The following ABHD2 variants were observed in gnomAD, a reference collection of about 807,000 sequenced individuals.
The protein encoded by ABHD2 is monoacylglycerol lipase ABHD2.
Under a neutral mutation model 48.1 loss-of-function variants are expected in ABHD2, and 20 were observed. The observed-to-expected ratio is 0.42, with a 90% confidence interval of 0.29 to 0.60. The LOEUF is 0.60. Ranked by LOEUF, ABHD2 falls within the 20% of genes least tolerant of loss-of-function variation. The pLI, the probability that ABHD2 is intolerant of heterozygous loss-of-function variation, is 0.24. For missense variants in ABHD2, 405 were observed against 550.9 expected (o/e 0.74, Z 2.65); for synonymous variants, 209 against 214.2 (o/e 0.98, Z 0.21).
chr15:89,065,694 G>T, the ABHD2 span, among the ~76,000 whole-genome samples: 1 of 152,084 alleles, frequency 6.6e-6, no homozygotes, highest in African/African-American at 2.4e-5. Flanking sequence ...TCCCCACTTT[G>T]CCTCACCCTC....
At chr15:89,049,823 G>C in the ABHD2 span, among the ~76,000 whole-genome samples, 3 of 152,204 alleles carry the variant, frequency 2.0e-5, no homozygotes, top group African/African-American at 7.2e-5. Flanking sequence ...CGGTACCTCA[G>C]ATGGAAATGC....
intron 1 of ABHD2, among the ~76,000 whole-genome samples, chr15:89,107,404 AT>A (rs771256257): frequency 6.6e-6 from 1 of 152,142 alleles, no homozygotes; most frequent in Non-Finnish European, 1.5e-5. Flanking sequence ...TAGTGAGTTC[AT>A]TGCTAATGAG....
chr15:89,054,367 C>T, the ABHD2 span, among the ~76,000 whole-genome samples: 6 of 151,574 alleles, frequency 4.0e-5, no homozygotes, highest in Non-Finnish European at 8.8e-5. Flanking sequence ...TGCTGTGCCA[C>T]CAAAATGTAT....
intron 5 of ABHD2, among the ~76,000 whole-genome samples, chr15:89,157,687 C>T (rs1275168193): frequency 1.3e-5 from 2 of 151,804 alleles, no homozygotes; most frequent in Non-Finnish European, 2.9e-5. Flanking sequence ...ACTAAAAATA[C>T]GAAAAAGTAG....
rs973823695 is a variant in ABHD2 at position 89,160,326 on chromosome 15, G to A, written c.538+4792G>A. 3.3e-5 allele frequency among the ~76,000 whole-genome samples: 5 copies of A among 152,254 alleles called. No individual in the cohort carries two copies. The South Asian group carries it at 8.3e-4, about 25-fold the overall frequency. The stretch of plus-strand genomic sequence containing the variant: ...TCATGTAAGTGTGTTAGTTGTTGAT[G>A]TGTGGGCTTTCTATACTTTAGTACA... On this transcript the variant is annotated intron_variant, in intron 5 of 10. Transcript: ENST00000352732.
the ABHD2 span, among the ~76,000 whole-genome samples, chr15:89,053,842 C>G: frequency 6.6e-6 from 1 of 152,186 alleles, no homozygotes; most frequent in Non-Finnish European, 1.5e-5. Flanking sequence ...TAGCGGCTGC[C>G]AAGCTGCCAG....
chr15:89,086,393 TTTAC>T (rs1187534114), upstream of ABHD2, among the ~76,000 whole-genome samples: 3 of 152,196 alleles, frequency 2.0e-5, no homozygotes, highest in African/African-American at 7.2e-5. Context: ...TACAACATGC[TTTAC>T]TTATTTATGT....
the ABHD2 span, among the ~76,000 whole-genome samples, chr15:89,055,454 T>C: frequency 2.0e-5 from 3 of 151,360 alleles, no homozygotes; most frequent in South Asian, 6.3e-4. Flanking sequence ...TGCCTCAGCC[T>C]CTTGAGTAGC....
rs1567110446 is a variant in ABHD2 at position 89,185,579 on chromosome 15, C to T, written c.815+63C>T. On this transcript the variant is annotated intron_variant, in intron 7 of 10. Transcript: ENST00000352732. The surrounding 1 kb of genome is among the most constrained non-coding windows in gnomAD (Gnocchi z 5.9). ...TTCCTTCCTGAGCTCATCTGGGAACCGTGAAAAGCCAGGACTCCTGTTCCT... is the reference window on the plus strand; with the variant it reads ...TTCCTTCCTGAGCTCATCTGGGAACTGTGAAAAGCCAGGACTCCTGTTCCT... 23 of 1,477,110 alleles carry T rather than the reference C, an allele frequency of 1.6e-5. No homozygotes were observed. Among genetic ancestry groups the T allele is most frequent in the African/African-American group, 2.8e-5 (2 of 71,646 alleles). 91.5% of individuals were successfully genotyped at this position (1,477,110 alleles called of 1,614,324 possible).
At chr15:89,119,613 A>C (rs1329500556) in intron 3 of ABHD2, among the ~76,000 whole-genome samples, 2 of 152,134 alleles carry the variant, frequency 1.3e-5, no homozygotes. Flanking sequence ...CTCAAACTGG[A>C]GTGTGACACC....
At chr15:89,082,130 CCT>C in the ABHD2 span, among the ~76,000 whole-genome samples, 5 of 152,204 alleles carry the variant, frequency 3.3e-5, no homozygotes, top group East Asian at 9.7e-4. The surrounding 1 kb of genome is among the most constrained non-coding windows in gnomAD (Gnocchi z 4.4). Context: ...TCAAGTGTCC[CCT>C]GAGGGATGAA....
At chr15:89,073,608 A>C in the ABHD2 span, among the ~76,000 whole-genome samples, 1 of 151,978 alleles carries the variant, frequency 6.6e-6, no homozygotes. Context: ...AAGTGTGTTA[A>C]TTCTGATCAT....
intron 3 of ABHD2, among the ~76,000 whole-genome samples, chr15:89,143,543 T>C (rs1238979466): frequency 1.3e-5 from 2 of 152,112 alleles, no homozygotes; most frequent in African/African-American, 4.8e-5. Flanking sequence ...GGTGCATGCC[T>C]GTAATCCCAG....
the ABHD2 span, among the ~76,000 whole-genome samples, chr15:89,053,215 C>A: frequency 6.6e-6 from 1 of 152,096 alleles, no homozygotes; most frequent in Admixed American, 6.5e-5. Context: ...ATCCGCCCAC[C>A]TCAACCTCCC....
intron 5 of ABHD2, among the ~76,000 whole-genome samples, chr15:89,160,819 G>C (rs2050751402): frequency 6.6e-6 from 1 of 152,150 alleles, no homozygotes; most frequent in African/African-American, 2.4e-5. Context: ...CACTTTATTG[G>C]TCAAAGTACA....
chr15:89,048,014 C>T, the ABHD2 span, among the ~76,000 whole-genome samples: 34 of 151,642 alleles, frequency 2.2e-4, no homozygotes, highest in Non-Finnish European at 4.6e-4. Context: ...ACATTTTGGG[C>T]ATGATTTTGC....
chr15:89,200,224 G>A lies in ABHD2; in HGVS notation c.*4801G>A, dbSNP rs2051452374. Reference sequence around the variant, plus strand: ...AATGTCGAAAATGCAAACTTGGGGAGGGCAGAAAGATCACACACAAGGCTG... The same window carrying A: ...AATGTCGAAAATGCAAACTTGGGGAAGGCAGAAAGATCACACACAAGGCTG... On this transcript the variant is annotated 3_prime_UTR_variant, in exon 11 of 11. Coordinates refer to ENST00000352732, the MANE Select transcript of ABHD2 (RefSeq NM_152924.5). The A allele has an allele frequency of 6.6e-6, 1 of 152,186 alleles. No homozygotes were observed. The highest frequency in any genetic ancestry group is 1.5e-5 in the Non-Finnish European group (1 of 68,034). 9.4% of individuals were successfully genotyped at this position (152,186 alleles called of 1,614,324 possible).
chr15:89,048,908 A>ATTCTCCGCCCAGC, the ABHD2 span, among the ~76,000 whole-genome samples: 2 of 122,354 alleles, frequency 1.6e-5, no homozygotes, highest in South Asian at 2.3e-4. Flanking sequence ...CGTCAAAGTC[A>ATTCTCCGCCCAGC]TTTGTTCCGT....
chr15:89,125,089 CA>C lies in ABHD2; in HGVS notation c.194+8581del, dbSNP rs71723586. 1.6e-3 allele frequency among the ~76,000 whole-genome samples: 218 copies of C among 136,066 alleles called. 1 individual carries two copies. Among genetic ancestry groups the C allele is most frequent in the East Asian group, 5.2e-3 (24 of 4,622 alleles). 89.3% of individuals were successfully genotyped at this position (136,066 alleles called of 152,430 possible). On this transcript the variant is annotated intron_variant, in intron 3 of 10. Coordinates refer to ENST00000352732, the MANE Select transcript of ABHD2 (RefSeq NM_152924.5). ...TGGGGACAAGAGTGAGACTTTGTCT[CA>C]AAAAAAAAAAAACCAGTTAGTTGGG...
Sources: allele counts gnomAD v4.1 joint callset (sites outside exome capture counted in the v4.1 genomes callset), GRCh38; gene constraint gnomAD v4.1.1; non-coding constraint Gnocchi (gnomAD v3.1); transcripts MANE v1.5; gene names NCBI Gene and HGNC (gene_info 2026-07-23, HGNC 2026-07-21).